Variants in ZZZ3 observed in about 807,000 individuals in gnomAD.
ZZZ3 encodes the protein zinc finger ZZ-type containing 3.
In ZZZ3, 22 loss-of-function variants were observed where a neutral mutation model predicts 95.2. The observed-to-expected ratio is 0.23, with a 90% CI of 0.17 to 0.33. The LOEUF is 0.33. ZZZ3 is among the 10% of genes least tolerant of loss of function. ZZZ3 has a pLI of 1.00. For synonymous variants in ZZZ3, 335 were observed against 358.9 expected (o/e 0.93, Z 0.75); for missense variants, 885 against 1,066.5 (o/e 0.83, Z 2.37).
intron 4 of ZZZ3, among the ~76,000 whole-genome samples, chr1:77,637,016 C>T (rs1239897336): frequency 1.3e-5 from 2 of 152,148 alleles, no homozygotes; most frequent in Non-Finnish European, 1.5e-5. Context: ...AGCTCAATCA[C>T]GGGCATCTCC....
intron 13 of ZZZ3, among the ~76,000 whole-genome samples, chr1:77,567,559 T>G (rs750174464): frequency 6.6e-6 from 1 of 152,174 alleles, no homozygotes; most frequent in East Asian, 1.9e-4. Context: ...TTGGCAAAAT[T>G]TATAAGGCGG....
intron 5 of ZZZ3, chr1:77,584,966 T>TA (rs905900569): frequency 4.8e-4 from 82 of 172,498 alleles, no homozygotes; most frequent in South Asian, 9.6e-4. Context: ...AACTGCTAGA[T>TA]AAAAAAAATA....
chr1:77,607,781 G>A (rs1437819509), intron 5 of ZZZ3, among the ~76,000 whole-genome samples: 1 of 152,020 alleles, frequency 6.6e-6, no homozygotes, highest in Non-Finnish European at 1.5e-5. Flanking sequence ...AATTAGCTGG[G>A]TGTGGTGGCA....
intron 1 of ZZZ3, among the ~76,000 whole-genome samples, chr1:77,678,613 A>C (rs1270326990): frequency 6.6e-6 from 1 of 152,172 alleles, no homozygotes; most frequent in Non-Finnish European, 1.5e-5. Context: ...TATTTATGTA[A>C]TGGCCTTAAA....
intron 1 of ZZZ3, among the ~76,000 whole-genome samples, chr1:77,670,844 A>G (rs868454449): frequency 2.6e-5 from 4 of 151,952 alleles, no homozygotes; most frequent in African/African-American, 7.3e-5. Context: ...AAACTATCAC[A>G]AAAGACTCTG....
At chr1:77,623,261 G>A (rs1381317419) in intron 5 of ZZZ3, among the ~76,000 whole-genome samples, 3 of 152,086 alleles carry the variant, frequency 2.0e-5, no homozygotes, top group East Asian at 1.9e-4. Context: ...AAGCTGAAGC[G>A]GCTAGAATTT....
At chr1:77,580,128 T>C (rs968061701) in intron 9 of ZZZ3, 1 of 152,608 alleles carries the variant, frequency 6.6e-6, no homozygotes, top group Non-Finnish European at 1.5e-5. Flanking sequence ...TTGTCTCCTG[T>C]ATCTTCTCAT....
intron 1 of ZZZ3, among the ~76,000 whole-genome samples, chr1:77,652,856 G>T (rs1280483194): frequency 6.6e-6 from 1 of 152,066 alleles, no homozygotes; most frequent in Non-Finnish European, 1.5e-5. Context: ...GTCACAAATG[G>T]TTACATATTG....
At chr1:77,621,808 C>T (rs1380746815) in intron 5 of ZZZ3, among the ~76,000 whole-genome samples, 1 of 151,940 alleles carries the variant, frequency 6.6e-6, no homozygotes, top group African/African-American at 2.4e-5. Context: ...CAGAGCAAGA[C>T]CCTGTCTTGA....
chr1:77,669,266 T>C (rs928663917), intron 1 of ZZZ3, among the ~76,000 whole-genome samples: 1 of 152,136 alleles, frequency 6.6e-6, no homozygotes, highest in African/African-American at 2.4e-5. Context: ...TCTCTTATCT[T>C]CTCTTTCTCT....
chr1:77,632,767 G>T lies in ZZZ3; in HGVS notation c.588C>A (p.Ile196=), dbSNP rs770443110. The change falls in exon 5 of 15, where the codon ATC becomes ATA. Residue 196 remains isoleucine, a synonymous_variant. Coordinates refer to ENST00000370801, the MANE Select transcript of ZZZ3 (RefSeq NM_015534.6). ...CACCATTGACAGCCAAATAGCCTGT[G>T]ATTTCTTCAACTACTGCAGAATTAA... The part of the protein sequence containing the change: ...GPLNSAVVEE[I]TGYLAVNGVD... 7 of 1,614,028 alleles carry T rather than the reference G, an allele frequency of 4.3e-6. No homozygotes were observed. The highest frequency in any genetic ancestry group is 5.9e-6 in the Non-Finnish European group (7 of 1,180,034).
intron 1 of ZZZ3, among the ~76,000 whole-genome samples, chr1:77,643,171 G>T (rs1049160852): frequency 4.5e-5 from 6 of 134,814 alleles, no homozygotes; most frequent in African/African-American, 8.2e-5. Context: ...GGGTAACAAA[G>T]AAAAAAAAAA....
At chr1:77,574,057 T>C (rs1309771820) in intron 12 of ZZZ3, among the ~76,000 whole-genome samples, 2 of 149,770 alleles carry the variant, frequency 1.3e-5, no homozygotes, top group Non-Finnish European at 3.0e-5. Context: ...TCCAAGATAA[T>C]TTAAAAACCA....
At position 77,564,765 on chromosome 1, in the gene ZZZ3, T is replaced by G. The variant is rs930894487; in HGVS notation, c.*875A>C. 1 of 152,612 alleles carries G rather than the reference T, an allele frequency of 6.6e-6. No individual in the cohort carries two copies. Among genetic ancestry groups the G allele is most frequent in the Non-Finnish European group, 1.5e-5 (1 of 68,026 alleles). The allele number at this position is 152,612 out of a possible 1,614,324, so 9.5% of individuals were successfully genotyped here. A position where few individuals can be genotyped will look rare whatever the true frequency, so the allele number is the denominator to read the frequency against. On this transcript the variant is annotated 3_prime_UTR_variant, in exon 15 of 15. Transcript: ENST00000370801. Reference sequence around the variant, plus strand: ...GCAGACTACAAAAGAGGGAAATTATTACCATATATATGATTTTTATATTAG... The same window carrying G: ...GCAGACTACAAAAGAGGGAAATTATGACCATATATATGATTTTTATATTAG...
At chr1:77,647,905 G>C (rs1391319663) in intron 1 of ZZZ3, among the ~76,000 whole-genome samples, 1 of 152,044 alleles carries the variant, frequency 6.6e-6, no homozygotes, top group Non-Finnish European at 1.5e-5. Flanking sequence ...AGACTATTCT[G>C]GTCTCACCTA....
chr1:77,595,408 A>C (rs1295479910), intron 5 of ZZZ3, among the ~76,000 whole-genome samples: 1 of 152,076 alleles, frequency 6.6e-6, no homozygotes, highest in Non-Finnish European at 1.5e-5. Context: ...TGAATCCTGA[A>C]AAATAGATGG....
At chr1:77,647,638 T>A (rs1004556585) in intron 1 of ZZZ3, among the ~76,000 whole-genome samples, 1 of 152,216 alleles carries the variant, frequency 6.6e-6, no homozygotes, top group African/African-American at 2.4e-5. Context: ...CTACCTTTGT[T>A]CGTAATAAGT....
At chr1:77,608,748 G>A (rs1665490792) in intron 5 of ZZZ3, among the ~76,000 whole-genome samples, 1 of 152,156 alleles carries the variant, frequency 6.6e-6, no homozygotes, top group Non-Finnish European at 1.5e-5. Context: ...AGAGGGACAA[G>A]GTTAAAGTGT....
At chr1:77,569,136 A>G (rs1187350834) in intron 12 of ZZZ3, among the ~76,000 whole-genome samples, 1 of 152,204 alleles carries the variant, frequency 6.6e-6, no homozygotes, top group Non-Finnish European at 1.5e-5. Context: ...CAGGAGTTCA[A>G]GACCAGCCTA....
Sources: gnomAD v4.1 joint callset for allele counts (sites outside exome capture counted in the v4.1 genomes callset) on GRCh38, gnomAD v4.1.1 for gene constraint, MANE v1.5 for transcripts, NCBI Gene and HGNC (gene_info 2026-07-23, HGNC 2026-07-21) for gene names.